ATP2B2: variants seen among roughly 807,000 people sequenced by gnomAD.
The protein encoded by ATP2B2 is ATPase plasma membrane Ca2+ transporting 2.
Under a neutral mutation model 120.0 loss-of-function variants are expected in ATP2B2, and 15 were observed. That is an observed-to-expected ratio of 0.12 (90% CI 0.08 to 0.19). The LOEUF is 0.19. ATP2B2 is among the 10% of genes least tolerant of loss of function. The pLI is 1.00. For missense variants in ATP2B2, 1,045 were observed against 1,719.8 expected (o/e 0.61, Z 6.94); for synonymous variants, 694 against 700.3 (o/e 0.99, Z 0.14).
intron 1 of ATP2B2, among the ~76,000 whole-genome samples, chr3:10,479,703 A>T (rs537936979): frequency 1.3e-5 from 2 of 152,274 alleles, no homozygotes; most frequent in South Asian, 2.1e-4. Flanking sequence ...CTGTATTCCT[A>T]GGGCCTAGCA....
chr3:10,347,093 C>G lies in ATP2B2; in HGVS notation c.2405-956G>C, dbSNP rs981232123. Among the ~76,000 whole-genome samples the G allele has an allele frequency of 2.6e-5, 4 of 152,112 alleles. No homozygotes were observed. The highest frequency in any genetic ancestry group is 4.4e-5 in the Non-Finnish European group (3 of 68,018). On this transcript the variant is annotated intron_variant, in intron 16 of 22. Coordinates refer to ENST00000360273, the MANE Select transcript of ATP2B2 (RefSeq NM_001001331.4). The surrounding 1 kb of genome is among the most constrained non-coding windows in gnomAD (Gnocchi z 5.2). ...CCGGAATGTCGTTTTCCTGCTTCCCCCCTTGGTCTCAGGATAACATCCATG... is the reference window on the plus strand; with the variant it reads ...CCGGAATGTCGTTTTCCTGCTTCCCGCCTTGGTCTCAGGATAACATCCATG...
intron 1 of ATP2B2, among the ~76,000 whole-genome samples, chr3:10,486,636 G>C (rs1327010166): frequency 6.6e-6 from 1 of 152,034 alleles, no homozygotes; most frequent in Non-Finnish European, 1.5e-5. Flanking sequence ...GGTCCTCCCT[G>C]ACCACGCTAG....
intron 7 of ATP2B2, 62 bp from the exon 8 acceptor site, chr3:10,385,389 A>T: frequency 2.7e-6 from 4 of 1,463,562 alleles, no homozygotes. Flanking sequence ...AACAACGACA[A>T]AGACATGAAC....
intron 1 of ATP2B2, among the ~76,000 whole-genome samples, chr3:10,692,957 C>T (rs1339484904): frequency 6.6e-6 from 1 of 152,228 alleles, no homozygotes. Context: ...CTTCTGCTTC[C>T]AGTCACCTGT....
At chr3:10,569,584 G>T (rs2068079938) in intron 2 of ATP2B2, among the ~76,000 whole-genome samples, 2 of 152,146 alleles carry the variant, frequency 1.3e-5, no homozygotes, top group African/African-American at 4.8e-5. Flanking sequence ...CTGACCTCAT[G>T]GATATTAATC....
Position 10,343,358 on chromosome 3 carries a change from C to T in ATP2B2, c.2704-393G>A, listed in dbSNP as rs1183505579. On this transcript the variant is annotated intron_variant, in intron 18 of 22. Transcript: ENST00000360273. The surrounding 1 kb of genome is among the most constrained non-coding windows in gnomAD (Gnocchi z 4.2). The stretch of plus-strand genomic sequence containing the variant: ...TCCTACCTCCTCCCCCCACTGCCTC[C>T]TCCCCCTCGGGCTTTCTATCCTACA... Among the ~76,000 whole-genome samples, 2 of 151,648 alleles carry T rather than the reference C, an allele frequency of 1.3e-5. No individual in the cohort carries two copies. The highest frequency in any genetic ancestry group is 2.9e-5 in the Non-Finnish European group (2 of 67,874).
intron 1 of ATP2B2, among the ~76,000 whole-genome samples, chr3:10,493,657 C>A (rs1273525665): frequency 6.6e-6 from 1 of 152,132 alleles, no homozygotes; most frequent in Non-Finnish European, 1.5e-5. Context: ...ATCTGGGGGA[C>A]CAGTAGGGAA....
intron 2 of ATP2B2, among the ~76,000 whole-genome samples, chr3:10,610,045 T>C (rs1346015576): frequency 6.6e-6 from 1 of 151,596 alleles, no homozygotes; most frequent in Admixed American, 6.6e-5. Flanking sequence ...TGTCTTCTTG[T>C]GCTTCTCATA....
intron 1 of ATP2B2, among the ~76,000 whole-genome samples, chr3:10,642,286 C>T (rs2070194641): frequency 6.6e-6 from 1 of 152,188 alleles, no homozygotes; most frequent in Non-Finnish European, 1.5e-5. Flanking sequence ...GCACTTTGAA[C>T]AGTACCTGGC....
chr3:10,385,842 G>A (rs2061661988), intron 7 of ATP2B2, among the ~76,000 whole-genome samples: 1 of 152,244 alleles, frequency 6.6e-6, no homozygotes, highest in African/African-American at 2.4e-5. Context: ...CTGGATTCAT[G>A]CCCTTGATTC....
At chr3:10,521,962 A>G (rs1004058681) in intron 3 of ATP2B2, among the ~76,000 whole-genome samples, 2 of 152,224 alleles carry the variant, frequency 1.3e-5, no homozygotes, top group South Asian at 4.1e-4. Flanking sequence ...CCAGCCAGGC[A>G]GGGCAGTGTT....
intron 1 of ATP2B2, among the ~76,000 whole-genome samples, chr3:10,495,204 C>T (rs959217003): frequency 2.0e-5 from 3 of 152,220 alleles, no homozygotes; most frequent in African/African-American, 7.2e-5. Flanking sequence ...ATGAATCACC[C>T]TATTCCCAGT....
chr3:10,499,880 G>A (rs1318761997), intron 1 of ATP2B2, among the ~76,000 whole-genome samples: 1 of 151,944 alleles, frequency 6.6e-6, no homozygotes, highest in Non-Finnish European at 1.5e-5. Flanking sequence ...CCAGGGACCT[G>A]GGTTCAAATC....
intron 2 of ATP2B2, among the ~76,000 whole-genome samples, chr3:10,540,996 C>T (rs960621720): frequency 9.3e-5 from 14 of 151,238 alleles, no homozygotes; most frequent in Non-Finnish European, 1.9e-4. Context: ...TGTGGTAGTT[C>T]GTGTTTTTTG....
intron 2 of ATP2B2, among the ~76,000 whole-genome samples, chr3:10,602,254 C>T (rs1166563968): frequency 6.6e-6 from 1 of 152,222 alleles, no homozygotes; most frequent in African/African-American, 2.4e-5. Context: ...CCACTCTTCA[C>T]CCCCTTTTTT....
Position 10,345,882 on chromosome 3 carries a change from G to T in ATP2B2, c.2511+149C>A, listed in dbSNP as rs192113821. On this transcript the variant is annotated intron_variant, in intron 17 of 22. Transcript: ENST00000360273. ...TATGCCTTTCCAGGAAGACCTCGGG[G>T]TCAGGCTGAGTCTCGAGAAGGGTGG... 25 of 812,526 alleles carry T rather than the reference G, an allele frequency of 3.1e-5. No homozygotes were observed. In the South Asian group the frequency reaches 4.2e-4, roughly 14 times the overall value. The allele number at this position is 812,526 out of a possible 1,614,324, so 50.3% of individuals were successfully genotyped here. A position where few individuals can be genotyped will look rare whatever the true frequency, so the allele number is the denominator to read the frequency against.
In ATP2B2 at chr3:10,345,540, T is replaced by G. The variant is rs577403894; in HGVS notation, c.2547A>C (p.Ser849=). Residue 849 remains serine (S), a synonymous_variant, in exon 18 of 23, where the codon TCA becomes TCC. Transcript: ENST00000360273. ...AATTGTCGTCTGTCAGGATGATGTC[T>G]GAGGCCTCCTTGGCCACGTCAGTGC... ...IAGTDVAKEA[S]DIILTDDNFS... 18 of 1,614,192 alleles carry G rather than the reference T, an allele frequency of 1.1e-5. No individual in the cohort carries two copies. In the African/African-American group the frequency reaches 1.7e-4, roughly 16 times the overall value.
rs574600770 is a variant in ATP2B2, at chr3:10,407,975, T to C, written c.397+2643A>G. Among the ~76,000 whole-genome samples the C allele has an allele frequency of 1.2e-4, 18 of 152,286 alleles. No homozygotes were observed. The South Asian group carries it at 3.7e-3, about 32-fold the overall frequency. ...GACAGGCAGATCCAGGCCCTGTGCCTAGGCTCTGATCACTGGACTCTGGTG... is the reference window on the plus strand; with the variant it reads ...GACAGGCAGATCCAGGCCCTGTGCCCAGGCTCTGATCACTGGACTCTGGTG... On this transcript the variant is annotated intron_variant, in intron 3 of 22. Coordinates refer to ENST00000360273, the MANE Select transcript of ATP2B2 (RefSeq NM_001001331.4).
At chr3:10,676,419 G>A (rs904418560) in intron 1 of ATP2B2, among the ~76,000 whole-genome samples, 1 of 152,116 alleles carries the variant, frequency 6.6e-6, no homozygotes, top group African/African-American at 2.4e-5. Context: ...GATGCAAGGA[G>A]CTGTCACAAC....
Sources: gnomAD v4.1 joint callset for allele counts (sites outside exome capture counted in the v4.1 genomes callset) on GRCh38, gnomAD v4.1.1 for gene constraint, Gnocchi (gnomAD v3.1) non-coding constraint, MANE v1.5 for transcripts, NCBI Gene and HGNC (gene_info 2026-07-23, HGNC 2026-07-21) for gene names.